The following ERVV-2 variants were observed in gnomAD, a reference collection of about 807,000 sequenced individuals.
ERVV-2 encodes the protein endogenous retrovirus group V member 2, envelope, also known as endogenous retrovirus group V member 2 Env polyprotein.
For missense variants in ERVV-2, 291 were observed against 495.1 expected, an observed-to-expected ratio of 0.59 and a Z score of 3.91; for synonymous variants, 105 against 184.6, an observed-to-expected ratio of 0.57 and a Z score of 3.49.
In ERVV-2 at chr19:53,051,382, G is replaced by T. The variant is rs977492337; in HGVS notation, c.*523G>T. On this transcript the variant is annotated 3_prime_UTR_variant, in exon 2 of 2. Coordinates refer to ENST00000601417, the MANE Select transcript of ERVV-2 (RefSeq NM_001191055.2). ...GCTAGTCTCAAACTCCTGACTTCAGGTGATTCGCTCGCCTCGGCCTCCTAA... is the reference window on the plus strand; with the variant it reads ...GCTAGTCTCAAACTCCTGACTTCAGTTGATTCGCTCGCCTCGGCCTCCTAA... Among the ~76,000 whole-genome samples, 2 of 151,952 alleles carry T rather than the reference G, an allele frequency of 1.3e-5. No homozygotes were observed. Among genetic ancestry groups the T allele is most frequent in the Non-Finnish European group, 2.9e-5 (2 of 67,992 alleles).
Position 53,049,801 on chromosome 19 carries a change from G to A in ERVV-2, c.550G>A (p.Ala184Thr). The A allele has an allele frequency of 6.5e-7, 1 of 1,533,434 alleles. No homozygotes were observed. Among genetic ancestry groups the A allele is most frequent in the Non-Finnish European group, 8.7e-7 (1 of 1,146,326 alleles). 95.0% of individuals were successfully genotyped at this position (1,533,434 alleles called of 1,614,324 possible). A position where few individuals can be genotyped will look rare whatever the true frequency, so the allele number is the denominator to read the frequency against. The change falls in exon 2 of 2, where the codon GCA becomes ACA. Residue 184 changes from alanine (A) to threonine (T), a missense_variant. Coordinates refer to ENST00000601417, the MANE Select transcript of ERVV-2 (RefSeq NM_001191055.2). Reference sequence around the variant, plus strand: ...AGACAAGTCACCCCAAAACCGCTGTGCAGCTTGGGAAGGAAAAGAGCTAAT... The same window carrying A: ...AGACAAGTCACCCCAAAACCGCTGTACAGCTTGGGAAGGAAAAGAGCTAAT... The part of the protein sequence containing the change: ...YRDKSPQNRC[A>T]AWEGKELITW...
chr19:53,050,965 C>T lies in ERVV-2; in HGVS notation c.*106C>T. 1 of 1,117,696 alleles carries T rather than the reference C, an allele frequency of 8.9e-7. No individual in the cohort carries two copies. Among genetic ancestry groups the T allele is most frequent in the Non-Finnish European group, 1.2e-6 (1 of 811,760 alleles). 69.2% of individuals were successfully genotyped at this position (1,117,696 alleles called of 1,614,324 possible). On this transcript the variant is annotated 3_prime_UTR_variant, in exon 2 of 2. Transcript: ENST00000601417. ...TTACAACCAGAGCTTTTCAGGGTCT[C>T]CATCTCTTGAGGAGGGAAATATTAG...
intron 1 of ERVV-2, among the ~76,000 whole-genome samples, chr19:53,046,876 A>C (rs1339553397): frequency 6.6e-6 from 1 of 152,016 alleles, no homozygotes; most frequent in Non-Finnish European, 1.5e-5. Flanking sequence ...ACATGGAGAA[A>C]CCCCGTATCG....
rs771107253 is a variant in ERVV-2, at chr19:53,050,814, C to T, written c.1563C>T (p.Ala521=). 13 of 1,535,230 alleles carry T rather than the reference C, an allele frequency of 8.5e-6. No individual in the cohort carries two copies. The South Asian group carries it at 1.5e-4, about 18-fold the overall frequency. Residue 521 remains alanine, a synonymous_variant, in exon 2 of 2, where the codon GCC becomes GCT. Transcript: ENST00000601417. ...STYKHISPLD[A]SGQRFRETME... ...ATAAGCACATCTCCCCCTTGGATGC[C>T]AGTGGGCAAAGATTCCGGGAAACTA...
chr19:53,051,101 AC>A lies in ERVV-2; in HGVS notation c.*243del, dbSNP rs577262314. On this transcript the variant is annotated 3_prime_UTR_variant, in exon 2 of 2. Transcript: ENST00000601417. The stretch of plus-strand genomic sequence containing the variant: ...GTGATGCTGCCCACAGACAGTCAGC[AC>A]TTCTCTAATAACCCATCCTAGAACA... 426 of 418,802 alleles carry A rather than the reference AC, an allele frequency of 1.0e-3. 1 individual carries two copies. The highest frequency in any genetic ancestry group is 1.5e-3 in the Non-Finnish European group (359 of 238,380). The allele number at this position is 418,802 out of a possible 1,614,324, so 25.9% of individuals were successfully genotyped here.
At chr19:53,045,103 C>T (rs1206082817) in intron 1 of ERVV-2, 145 bp downstream of exon 1, 1 of 152,486 alleles carries the variant, frequency 6.6e-6, no homozygotes, top group Non-Finnish European at 1.5e-5. Context: ...AACGACTGCC[C>T]AGTACCATTT....
intron 1 of ERVV-2, among the ~76,000 whole-genome samples, chr19:53,047,690 C>T (rs1020528236): frequency 3.3e-5 from 5 of 152,200 alleles, no homozygotes; most frequent in African/African-American, 1.2e-4. Flanking sequence ...GATTGGAATG[C>T]CTGACCTTCA....
chr19:53,048,938 C>A lies in ERVV-2; in HGVS notation c.-314C>A. 2 of 523,408 alleles carry A rather than the reference C, an allele frequency of 3.8e-6. No homozygotes were observed. Among genetic ancestry groups the A allele is most frequent in the Non-Finnish European group, 6.8e-6 (2 of 294,242 alleles). 32.4% of individuals were successfully genotyped at this position (523,408 alleles called of 1,614,324 possible). A position where few individuals can be genotyped will look rare whatever the true frequency, so the allele number is the denominator to read the frequency against. On this transcript the variant is annotated 5_prime_UTR_variant, in exon 2 of 2. Coordinates refer to ENST00000601417, the MANE Select transcript of ERVV-2 (RefSeq NM_001191055.2). ...GAAACTGTGGGAAGGTCCCGAAGAA[C>A]CACAGAAGAACAACAGAATTCAGCA... is the stretch of plus-strand genomic sequence containing the variant.
chr19:53,050,360 T>C lies in ERVV-2; in HGVS notation c.1109T>C (p.Leu370Pro). The C allele has an allele frequency of 1.4e-6, 1 of 732,232 alleles. No homozygotes were observed. Among genetic ancestry groups the C allele is most frequent in the Non-Finnish European group, 2.4e-6 (1 of 412,224 alleles). The allele number at this position is 732,232 out of a possible 1,614,324, so 45.4% of individuals were successfully genotyped here. Residue 370 changes from leucine (L) to proline (P), a missense_variant, in exon 2 of 2, where the codon CTC becomes CCC. Transcript: ENST00000601417. ...AGTACCAGAGATAGCATCTCTAAAC[T>C]CAAGGCCTCCATAGATTCTCTAGCA... ...AKSTRDSISK[L>P]KASIDSLANV...
In ERVV-2 at chr19:53,051,121, T is replaced by A; in HGVS notation, c.*262T>A. On this transcript the variant is annotated 3_prime_UTR_variant, in exon 2 of 2. Transcript: ENST00000601417. The stretch of plus-strand genomic sequence containing the variant: ...TCAGCACTTCTCTAATAACCCATCC[T>A]AGAACAGCCTTTTGCTTTTTTTTTT... 7.5e-6 allele frequency: 2 copies of A among 267,060 alleles called. No individual in the cohort carries two copies. The highest frequency in any genetic ancestry group is 1.4e-5 in the Non-Finnish European group (2 of 146,896). The allele number at this position is 267,060 out of a possible 1,614,324, so 16.5% of individuals were successfully genotyped here.
intron 1 of ERVV-2, among the ~76,000 whole-genome samples, chr19:53,046,777 C>T (rs1423033965): frequency 1.3e-5 from 2 of 152,300 alleles, no homozygotes; most frequent in East Asian, 1.9e-4. Context: ...CTAGGCTGGG[C>T]GCATTGGCTC....
chr19:53,048,675 C>CAAAAAA (rs34725225), intron 1 of ERVV-2, among the ~76,000 whole-genome samples, 192 bp from the exon 2 acceptor site: 8 of 92,198 alleles, frequency 8.7e-5, no homozygotes, highest in African/African-American at 9.0e-5. Context: ...AATTCCATCT[C>CAAAAAA]AAAAAAAAAA....
At position 53,048,989 on chromosome 19, in the gene ERVV-2, A is replaced by G; in HGVS notation, c.-263A>G. The stretch of plus-strand genomic sequence containing the variant: ...CCTGAGCATTCTTGTGAGCCACTGG[A>G]GAACTTAAAATTCCACTTCAAGTGA... On this transcript the variant is annotated 5_prime_UTR_variant, in exon 2 of 2. Coordinates refer to ENST00000601417, the MANE Select transcript of ERVV-2 (RefSeq NM_001191055.2). 1 of 602,204 alleles carries G rather than the reference A, an allele frequency of 1.7e-6. No homozygotes were observed. The highest frequency in any genetic ancestry group is 2.9e-6 in the Non-Finnish European group (1 of 345,542). 37.3% of individuals were successfully genotyped at this position (602,204 alleles called of 1,614,324 possible). A position where few individuals can be genotyped will look rare whatever the true frequency, so the allele number is the denominator to read the frequency against.
Position 53,050,673 on chromosome 19 carries a change from C to A in ERVV-2, c.1422C>A (p.Gly474=), listed in dbSNP as rs1341925602. 6.6e-7 allele frequency: 1 copy of A among 1,507,382 alleles called. No individual in the cohort carries two copies. Among genetic ancestry groups the A allele is most frequent in the Non-Finnish European group, 8.9e-7 (1 of 1,121,086 alleles). The allele number at this position is 1,507,382 out of a possible 1,614,324, so 93.4% of individuals were successfully genotyped here. The part of the protein sequence containing the change: ...ATVILLLFLF[G]PCFFNLLIKC... ...TTATACTCTTACTTTTCCTCTTTGG[C>A]CCTTGTTTCTTTAATTTACTGATTA... Residue 474 remains glycine (G), a synonymous_variant, in exon 2 of 2, where the codon GGC becomes GGA. Transcript: ENST00000601417.
rs2083907352 is a variant in ERVV-2, at chr19:53,050,365, G to T, written c.1114G>T (p.Ala372Ser). 3 of 736,016 alleles carry T rather than the reference G, an allele frequency of 4.1e-6. No individual in the cohort carries two copies. Among genetic ancestry groups the T allele is most frequent in the East Asian group, 2.7e-5 (1 of 37,418 alleles). The allele number at this position is 736,016 out of a possible 1,614,324, so 45.6% of individuals were successfully genotyped here. A position where few individuals can be genotyped will look rare whatever the true frequency, so the allele number is the denominator to read the frequency against. The change falls in exon 2 of 2, where the codon GCC becomes TCC. Residue 372 changes from alanine to serine, a missense_variant. By Grantham distance (99) the Ala-to-Ser change is moderately conservative. Transcript: ENST00000601417. ...STRDSISKLKASIDSLANVVM... is the reference protein window; with the variant it reads ...STRDSISKLKSSIDSLANVVM... Reference sequence around the variant, plus strand: ...CAGAGATAGCATCTCTAAACTCAAGGCCTCCATAGATTCTCTAGCAAATGT... The same window carrying T: ...CAGAGATAGCATCTCTAAACTCAAGTCCTCCATAGATTCTCTAGCAAATGT...
chr19:53,045,864 G>C (rs1251556750), intron 1 of ERVV-2, among the ~76,000 whole-genome samples: 1 of 152,160 alleles, frequency 6.6e-6, no homozygotes, highest in Admixed American at 6.5e-5. Flanking sequence ...GGCCTATGCT[G>C]ATGTTTATAC....
At position 53,050,998 on chromosome 19, in the gene ERVV-2, A is replaced by G; in HGVS notation, c.*139A>G. On this transcript the variant is annotated 3_prime_UTR_variant, in exon 2 of 2. Coordinates refer to ENST00000601417, the MANE Select transcript of ERVV-2 (RefSeq NM_001191055.2). ...TGAGGAGGGAAATATTAGGGTAGGC[A>G]GGTAGGCAGGCATGAGCAGGCAAGA... 2 of 769,388 alleles carry G rather than the reference A, an allele frequency of 2.6e-6. No homozygotes were observed. Among genetic ancestry groups the G allele is most frequent in the East Asian group, 2.8e-5 (1 of 36,290 alleles). 47.7% of individuals were successfully genotyped at this position (769,388 alleles called of 1,614,324 possible).
chr19:53,046,764 G>A (rs1027869207), intron 1 of ERVV-2, among the ~76,000 whole-genome samples: 1 of 152,168 alleles, frequency 6.6e-6, no homozygotes. Flanking sequence ...GTATTAAGAA[G>A]ACCTAGGCTG....
chr19:53,045,306 T>G (rs1260469318), intron 1 of ERVV-2, among the ~76,000 whole-genome samples: 1 of 134,464 alleles, frequency 7.4e-6, no homozygotes, highest in African/African-American at 2.7e-5. Context: ...CTTCATATTT[T>G]TTTTTGTGGG....
Sources: gnomAD v4.1 joint callset for allele counts (sites outside exome capture counted in the v4.1 genomes callset) on GRCh38, gnomAD v4.1.1 for gene constraint, MANE v1.5 for transcripts, NCBI Gene and HGNC (gene_info 2026-07-23, HGNC 2026-07-21) for gene names.